The following SCAPER variants were observed in gnomAD, a reference collection of about 807,000 sequenced individuals.
SCAPER encodes the protein S-phase cyclin A associated protein in the ER.
In SCAPER, 98 loss-of-function variants were observed where a neutral mutation model predicts 182.2. The ratio of observed to expected loss-of-function variants is 0.54; its 90% CI spans 0.46 to 0.64. SCAPER has a LOEUF of 0.64. Among genes scored for constraint, SCAPER ranks in the 30% least tolerant of loss-of-function variants. The pLI is 0.00. For synonymous variants in SCAPER, 605 were observed against 564.6 expected (o/e 1.07, Z -1.01); for missense variants, 1,432 against 1,690.0 (o/e 0.85, Z 2.68).
intron 23 of SCAPER, among the ~76,000 whole-genome samples, chr15:76,513,342 A>T (rs2042188486): frequency 5.3e-5 from 8 of 152,206 alleles, no homozygotes; most frequent in Admixed American, 5.2e-4. Flanking sequence ...ACTGGATTCC[A>T]TTCCCTAACA....
chr15:76,702,714 G>A, intron 19 of SCAPER, 136 bp downstream of exon 19: 1 of 963,204 alleles, frequency 1.0e-6, no homozygotes, highest in African/African-American at 1.7e-5. Context: ...CTCCTAAAGT[G>A]CTGAAATTAC....
chr15:76,812,591 A>G (rs1298144576), intron 5 of SCAPER, among the ~76,000 whole-genome samples: 1 of 152,032 alleles, frequency 6.6e-6, no homozygotes, highest in East Asian at 1.9e-4. Context: ...AAAAGAGATG[A>G]CTCATCGGAA....
chr15:76,497,768 G>T (rs1021983881), intron 24 of SCAPER, among the ~76,000 whole-genome samples: 1 of 151,814 alleles, frequency 6.6e-6, no homozygotes, highest in Non-Finnish European at 1.5e-5. Flanking sequence ...CGAGGTGGGT[G>T]GATCATGAGG....
At chr15:76,452,099 ATC>A (rs762681899) in intron 25 of SCAPER, among the ~76,000 whole-genome samples, 1 of 151,272 alleles carries the variant, frequency 6.6e-6, no homozygotes, top group Non-Finnish European at 1.5e-5. Flanking sequence ...ATTTTCTCTC[ATC>A]TCTCTGCTTT....
intron 5 of SCAPER, among the ~76,000 whole-genome samples, chr15:76,807,982 T>C (rs1181744519): frequency 1.3e-5 from 2 of 152,138 alleles, no homozygotes; most frequent in African/African-American, 4.8e-5. Context: ...CCAACTTCTA[T>C]GATTCCCAAC....
At chr15:76,848,688 G>A (rs1233320210) in intron 4 of SCAPER, among the ~76,000 whole-genome samples, 1 of 152,014 alleles carries the variant, frequency 6.6e-6, no homozygotes, top group Non-Finnish European at 1.5e-5. Context: ...TGTATCTAAA[G>A]GAACATTAAA....
At chr15:76,793,568 T>G in intron 8 of SCAPER, among the ~76,000 whole-genome samples, 1 of 152,220 alleles carries the variant, frequency 6.6e-6, no homozygotes, top group East Asian at 1.9e-4. Context: ...TTAGGGAATG[T>G]CTGGATAGCT....
At chr15:76,784,488 C>T (rs1332109310) in intron 8 of SCAPER, among the ~76,000 whole-genome samples, 4 of 152,176 alleles carry the variant, frequency 2.6e-5, no homozygotes, top group African/African-American at 9.7e-5. Context: ...TCAATGCCAT[C>T]CCCATCAAGC....
intron 5 of SCAPER, among the ~76,000 whole-genome samples, chr15:76,814,136 C>T (rs2066888355): frequency 6.6e-6 from 1 of 152,134 alleles, no homozygotes; most frequent in Non-Finnish European, 1.5e-5. Context: ...CCACCGCGCT[C>T]CAGCCTGGGC....
chr15:76,819,418 T>C (rs1050159057), intron 5 of SCAPER, among the ~76,000 whole-genome samples: 2 of 152,202 alleles, frequency 1.3e-5, no homozygotes, highest in Non-Finnish European at 2.9e-5. Context: ...CAGCAGCATT[T>C]GCAGTTCACC....
chr15:76,466,225 G>GC lies in SCAPER; in HGVS notation c.3078+4986dup, dbSNP rs1185243292. The stretch of plus-strand genomic sequence containing the variant: ...GTATAATGGGTTGGCTTGATGGTAT[G>GC]CCACAAATCCCTTAGGCTTTCATCA... On this transcript the variant is annotated intron_variant, in intron 25 of 31. Coordinates refer to ENST00000563290, the MANE Select transcript of SCAPER (RefSeq NM_020843.4). Among the ~76,000 whole-genome samples the GC allele has an allele frequency of 8.6e-5, 13 of 151,578 alleles. No homozygotes were observed. In the South Asian group the frequency reaches 2.3e-3, roughly 27 times the overall value.
chr15:76,857,499 T>C (rs2071498458), intron 4 of SCAPER, among the ~76,000 whole-genome samples: 1 of 151,802 alleles, frequency 6.6e-6, no homozygotes, highest in Non-Finnish European at 1.5e-5. Context: ...CCTGGCTGTG[T>C]CATTTACTAG....
intron 25 of SCAPER, among the ~76,000 whole-genome samples, chr15:76,461,491 TTC>T (rs566776153): frequency 1.5e-3 from 235 of 152,260 alleles, no homozygotes; most frequent in African/African-American, 5.5e-3. Flanking sequence ...ATGGTGATTT[TTC>T]TGTTTTTCAT....
At chr15:76,849,228 C>T (rs935370745) in intron 4 of SCAPER, among the ~76,000 whole-genome samples, 3 of 152,206 alleles carry the variant, frequency 2.0e-5, no homozygotes, top group Non-Finnish European at 4.4e-5. Flanking sequence ...AGTGGCTCCA[C>T]ATTTCTTGGA....
chr15:76,710,180 A>C lies in SCAPER; in HGVS notation c.2166-4196T>G, dbSNP rs534491216. 4.6e-5 allele frequency among the ~76,000 whole-genome samples: 7 copies of C among 152,344 alleles called. No homozygotes were observed. The East Asian group carries it at 1.3e-3, about 29-fold the overall frequency. ...ATCCAGTGCAAGAGGGCAAAAAGAA[A>C]ACAAAGAAATTAAAGGCATCCACAT... On this transcript the variant is annotated intron_variant, in intron 17 of 31. Transcript: ENST00000563290.
At chr15:76,824,406 C>T (rs2067824591) in intron 5 of SCAPER, among the ~76,000 whole-genome samples, 2 of 152,164 alleles carry the variant, frequency 1.3e-5, no homozygotes, top group South Asian at 4.1e-4. Context: ...CCCTTGGGCC[C>T]ACGACATCAA....
intron 23 of SCAPER, among the ~76,000 whole-genome samples, chr15:76,514,600 G>A (rs2042281578): frequency 6.6e-6 from 1 of 152,178 alleles, no homozygotes; most frequent in Non-Finnish European, 1.5e-5. Flanking sequence ...GACAGAGGTG[G>A]CAGATGGGGA....
At chr15:76,893,482 C>A (rs936639147) in intron 1 of SCAPER, among the ~76,000 whole-genome samples, 1 of 151,902 alleles carries the variant, frequency 6.6e-6, no homozygotes, top group African/African-American at 2.4e-5. Context: ...GACTTCAATA[C>A]CCCACTTTCA....
chr15:76,578,779 G>A (rs963448158), intron 22 of SCAPER, among the ~76,000 whole-genome samples: 6 of 152,134 alleles, frequency 3.9e-5, no homozygotes, highest in African/African-American at 1.4e-4. Flanking sequence ...ACACCATGAA[G>A]ACTACAATAA....
Sources: allele counts gnomAD v4.1 joint callset (sites outside exome capture counted in the v4.1 genomes callset), GRCh38; gene constraint gnomAD v4.1.1; transcripts MANE v1.5; gene names NCBI Gene and HGNC (gene_info 2026-07-23, HGNC 2026-07-21).